The following NDUFAF6 variants were observed in gnomAD, a reference collection of about 807,000 sequenced individuals.
NDUFAF6 encodes NADH dehydrogenase (ubiquinone) complex I, assembly factor 6.
A neutral mutation model predicts 40.8 loss-of-function variants in NDUFAF6; 45 were observed. The observed-to-expected ratio is 1.10, with a 90% CI of 0.87 to 1.42. NDUFAF6 has a LOEUF of 1.42. Among genes scored for constraint, NDUFAF6 ranks in the 40% most tolerant of loss-of-function variants. The pLI is 0.00. For missense variants in NDUFAF6, 435 were observed against 418.5 expected (o/e 1.04, Z -0.34); for synonymous variants, 185 against 155.9 (o/e 1.19, Z -1.39).
chr8:95,037,748 C>G (rs1444902968), intron 3 of NDUFAF6, among the ~76,000 whole-genome samples: 3 of 152,068 alleles, frequency 2.0e-5, no homozygotes, highest in Middle Eastern at 3.2e-3. Context: ...TATAGCATAT[C>G]CCTAGATTTT....
rs752500623 is a variant in NDUFAF6, at chr8:95,035,593, AC to A, written c.420+19del. 11 of 1,330,322 alleles carry A rather than the reference AC, an allele frequency of 8.3e-6. No homozygotes were observed. The highest frequency in any genetic ancestry group is 1.2e-5 in the Non-Finnish European group (11 of 930,422). The allele number at this position is 1,330,322 out of a possible 1,614,324, so 82.4% of individuals were successfully genotyped here. On this transcript the variant is annotated intron_variant, in intron 3 of 8. Coordinates refer to ENST00000396124, the MANE Select transcript of NDUFAF6 (RefSeq NM_152416.4). ...CTATGGAAGGTAAAAAAAAAAAAATACCACTTTTAATTTGTATGAATATTAT... is the reference window on the plus strand; with the variant it reads ...CTATGGAAGGTAAAAAAAAAAAAATACACTTTTAATTTGTATGAATATTAT...
At chr8:95,017,525 C>T (rs1449256041) in intron 2 of NDUFAF6, among the ~76,000 whole-genome samples, 1 of 151,998 alleles carries the variant, frequency 6.6e-6, no homozygotes, top group Non-Finnish European at 1.5e-5. Context: ...TAGATCTGAC[C>T]TAGAGAGGCA....
intron 2 of NDUFAF6, among the ~76,000 whole-genome samples, chr8:95,001,808 C>T (rs973491885): frequency 1.3e-5 from 2 of 152,170 alleles, no homozygotes; most frequent in African/African-American, 4.8e-5. Flanking sequence ...TTGAGTCATT[C>T]ACAGATATTC....
chr8:95,102,018 A>T (rs1377794831), intron 2 of NDUFAF6, among the ~76,000 whole-genome samples: 1 of 151,286 alleles, frequency 6.6e-6, no homozygotes, highest in Non-Finnish European at 1.5e-5. Flanking sequence ...TATTTTTGAG[A>T]TGGAGTCTCA....
At chr8:95,090,121 C>T (rs984059496) in intron 2 of NDUFAF6, among the ~76,000 whole-genome samples, 1 of 136,430 alleles carries the variant, frequency 7.3e-6, no homozygotes, top group African/African-American at 2.8e-5. Context: ...AAGGTGGGTG[C>T]TCCTTATTAA....
chr8:95,004,341 C>T (rs911703510), intron 2 of NDUFAF6, among the ~76,000 whole-genome samples: 1 of 144,522 alleles, frequency 6.9e-6, no homozygotes, highest in African/African-American at 2.5e-5. Flanking sequence ...CTGAGTGTCT[C>T]ACCATTACTT....
chr8:94,970,172 T>C (rs997011228), intron 1 of NDUFAF6, among the ~76,000 whole-genome samples: 2 of 149,416 alleles, frequency 1.3e-5, no homozygotes, highest in African/African-American at 5.0e-5. Context: ...GGGGAATCGC[T>C]TGAACGTGGG....
At chr8:94,956,230 A>G (rs550311964), upstream of NDUFAF6, among the ~76,000 whole-genome samples, 9 of 152,334 alleles carry the variant, frequency 5.9e-5, no homozygotes, top group South Asian at 1.9e-3. Context: ...AGCTTATTAA[A>G]AGGTCATAAG....
At chr8:95,025,275 G>T in intron 1 of NDUFAF6, 70 bp downstream of exon 1, 2 of 1,315,240 alleles carry the variant, frequency 1.5e-6, no homozygotes, top group Non-Finnish European at 1.9e-6. Context: ...TGCGCCTCGC[G>T]TCTGGCCTGA....
At chr8:94,959,003 A>G (rs775666671) in intron 1 of NDUFAF6, among the ~76,000 whole-genome samples, 3 of 152,168 alleles carry the variant, frequency 2.0e-5, no homozygotes, top group Non-Finnish European at 2.9e-5. Context: ...GGCTTTTACT[A>G]TGGGAGGAAT....
In NDUFAF6 at chr8:95,024,993, A is replaced by C. The variant is rs909233773; in HGVS notation, c.-16A>C. The C allele has an allele frequency of 3.8e-6, 5 of 1,320,360 alleles. No individual in the cohort carries two copies. The African/African-American group carries it at 7.7e-5, about 20-fold the overall frequency. The allele number at this position is 1,320,360 out of a possible 1,614,324, so 81.8% of individuals were successfully genotyped here. On this transcript the variant is annotated 5_prime_UTR_variant, in exon 1 of 9. Coordinates refer to ENST00000396124, the MANE Select transcript of NDUFAF6 (RefSeq NM_152416.4). ...CGCCGACGGCGGGGGGTCGAAGGGC[A>C]CGCAGTGCCGGCGTCATGGCGGCCT...
rs577567105 is a variant in NDUFAF6, at chr8:95,065,528, AAAG to A, written c.*512-10100_*512-10098del. On this transcript the variant is annotated intron_variant and NMD_transcript_variant, in intron 9 of 9. Coordinates refer to the NDUFAF6 transcript ENST00000520757. The stretch of plus-strand genomic sequence containing the variant: ...TTTTAATTTAGTAATATAATGTAGA[AAAG>A]AAGAGATTAGAAAAATATTCTTAAT... 5.2e-3 allele frequency among the ~76,000 whole-genome samples: 788 copies of A among 152,324 alleles called. 5 individuals are homozygous for A. Among genetic ancestry groups the A allele is most frequent in the African/African-American group, 0.018 (747 of 41,568 alleles).
At chr8:95,047,861 A>G (rs919690100) in intron 6 of NDUFAF6, among the ~76,000 whole-genome samples, 2 of 150,372 alleles carry the variant, frequency 1.3e-5, no homozygotes, top group South Asian at 2.2e-4. Flanking sequence ...AACTTTTTGT[A>G]TGTTTCTTTT....
chr8:94,968,174 A>G (rs1325504721), intron 1 of NDUFAF6, among the ~76,000 whole-genome samples: 1 of 152,174 alleles, frequency 6.6e-6, no homozygotes, highest in Non-Finnish European at 1.5e-5. Flanking sequence ...CTCAGAAGTG[A>G]CATCCCATTA....
At chr8:95,009,431 A>G (rs1253120801) in intron 2 of NDUFAF6, among the ~76,000 whole-genome samples, 1 of 152,138 alleles carries the variant, frequency 6.6e-6, no homozygotes, top group Non-Finnish European at 1.5e-5. Context: ...AGCTGAAACT[A>G]CCCTTTTGTG....
chr8:94,925,549 CTTTTTTT>C (rs1287916481), intron 1 of NDUFAF6, among the ~76,000 whole-genome samples: 27 of 135,434 alleles, frequency 2.0e-4, no homozygotes, highest in Non-Finnish European at 3.5e-4. Flanking sequence ...AAAAGAAATC[CTTTTTTT>C]TTTTTTTTTT....
intron 1 of NDUFAF6, among the ~76,000 whole-genome samples, chr8:94,966,252 C>A (rs1824005703): frequency 6.6e-6 from 1 of 152,144 alleles, no homozygotes; most frequent in South Asian, 2.1e-4. Flanking sequence ...GGGGACTTCA[C>A]ATGTAAGGCT....
At chr8:95,009,102 A>G (rs1827124186) in intron 2 of NDUFAF6, among the ~76,000 whole-genome samples, 1 of 151,566 alleles carries the variant, frequency 6.6e-6, no homozygotes, top group Non-Finnish European at 1.5e-5. Context: ...TGGGAAGCTA[A>G]GGTGGGAGGA....
rs139043617 is a variant in NDUFAF6 at position 95,072,797 on chromosome 8, T to C, written c.*512-2836T>C. The C allele has an allele frequency of 3.0e-3, 458 of 154,676 alleles. 5 individuals carry two copies. Among genetic ancestry groups the C allele is most frequent in the African/African-American group, 0.01 (427 of 41,650 alleles). 9.6% of individuals were successfully genotyped at this position (154,676 alleles called of 1,614,324 possible). On this transcript the variant is annotated intron_variant and NMD_transcript_variant, in intron 9 of 9. Coordinates refer to the NDUFAF6 transcript ENST00000520757. ...GCTGGATGAGAAAGTCCCAAAGTTC[T>C]ATCATTGAAGGAGCAGCACAAGAGT... is the stretch of plus-strand genomic sequence containing the variant.
Sources: gnomAD v4.1 joint callset for allele counts (sites outside exome capture counted in the v4.1 genomes callset) on GRCh38, gnomAD v4.1.1 for gene constraint, MANE v1.5 for transcripts, NCBI Gene and HGNC (gene_info 2026-07-23, HGNC 2026-07-21) for gene names.